NTAQ1: variants seen among roughly 807,000 people sequenced by gnomAD.
The protein encoded by NTAQ1 is protein N-terminal glutamine amidohydrolase.
In NTAQ1, 21 loss-of-function variants were observed where a neutral mutation model predicts 28.2. That is an observed-to-expected ratio of 0.74 (90% confidence interval 0.53 to 1.07). The LOEUF (loss-of-function observed/expected upper bound fraction) is 1.07, where lower values mean the gene tolerates loss of function less well. Among genes scored for constraint, NTAQ1 ranks in the 50% least tolerant of loss-of-function variants. The pLI is 0.00. For synonymous variants in NTAQ1, 105 were observed against 90.0 expected (o/e 1.17, Z -0.94); for missense variants, 264 against 256.6 (o/e 1.03, Z -0.20).
chr8:123,419,417 G>C (rs11783637), intron 1 of NTAQ1, among the ~76,000 whole-genome samples: 100,245 of 151,912 alleles, frequency 0.66, 33,792 homozygotes, highest in East Asian at 0.93. Context: ...GGTTTTTTAA[G>C]TTGAAATGAA....
At chr8:123,462,747 T>G (rs1280381634) in intron 6 of NTAQ1, among the ~76,000 whole-genome samples, 1 of 152,198 alleles carries the variant, frequency 6.6e-6, no homozygotes, top group Non-Finnish European at 1.5e-5. Flanking sequence ...CATGCATTCA[T>G]GGGCATGGCT....
At chr8:123,436,797 G>A (rs916684703) in intron 4 of NTAQ1, among the ~76,000 whole-genome samples, 196 bp downstream of exon 4, 1 of 152,104 alleles carries the variant, frequency 6.6e-6, no homozygotes, top group Non-Finnish European at 1.5e-5. Flanking sequence ...TCTATCATAT[G>A]AAAGGTTGTC....
chr8:123,460,877 G>A (rs962985326), intron 6 of NTAQ1, among the ~76,000 whole-genome samples: 7 of 152,170 alleles, frequency 4.6e-5, no homozygotes, highest in African/African-American at 7.2e-5. Flanking sequence ...AATAACATGC[G>A]CCAGCATCCA....
chr8:123,449,554 G>A (rs1312828701), downstream of NTAQ1, among the ~76,000 whole-genome samples: 1 of 152,078 alleles, frequency 6.6e-6, no homozygotes, highest in Non-Finnish European at 1.5e-5. Flanking sequence ...TGGTGATTCA[G>A]CAGTGAGTCC....
At chr8:123,423,977 G>C (rs1431757664) in intron 1 of NTAQ1, among the ~76,000 whole-genome samples, 1 of 151,472 alleles carries the variant, frequency 6.6e-6, no homozygotes, top group Non-Finnish European at 1.5e-5. Flanking sequence ...CTGCCTCTCG[G>C]GTTCAAGTGA....
chr8:123,424,683 G>A (rs1813934969), intron 1 of NTAQ1, among the ~76,000 whole-genome samples: 1 of 152,100 alleles, frequency 6.6e-6, no homozygotes, highest in Admixed American at 6.6e-5. Flanking sequence ...TGGATTACAG[G>A]CATGAACCAC....
At chr8:123,472,657 A>T (rs375623703), downstream of NTAQ1, among the ~76,000 whole-genome samples, 3 of 152,308 alleles carry the variant, frequency 2.0e-5, no homozygotes, top group African/African-American at 7.2e-5. Flanking sequence ...TTTAAGGTCC[A>T]CCATAATCCA....
At chr8:123,434,038 G>T (rs7833321) in intron 3 of NTAQ1, among the ~76,000 whole-genome samples, 108,646 of 151,802 alleles carry the variant, frequency 0.72, 39,201 homozygotes, top group East Asian at 0.93. Flanking sequence ...TGGACACCCT[G>T]GAGTTAGATA....
chr8:123,417,891 T>C (rs1813404603), intron 1 of NTAQ1, among the ~76,000 whole-genome samples: 1 of 152,074 alleles, frequency 6.6e-6, no homozygotes, highest in Admixed American at 6.6e-5. Flanking sequence ...AAATCACACA[T>C]CTAGCAAGTG....
At position 123,460,102 on chromosome 8, in the gene NTAQ1, A is replaced by G. The variant is rs374781808; in HGVS notation, c.373-6977A>G. ...GGCATGAGCCACTGCGCCCAGCCCA[A>G]TGTACGTGATTTTTATTTCACAGCA... On this transcript the variant is annotated intron_variant, in intron 6 of 6. Transcript: ENST00000650311. Among the ~76,000 whole-genome samples, 178 of 152,226 alleles carry G rather than the reference A, an allele frequency of 1.2e-3. 2 individuals are homozygous for G. The East Asian group carries it at 0.023, about 20-fold the overall frequency.
intron 6 of NTAQ1, among the ~76,000 whole-genome samples, chr8:123,463,383 C>A (rs1359607133): frequency 6.6e-6 from 1 of 152,124 alleles, no homozygotes; most frequent in Non-Finnish European, 1.5e-5. Context: ...AATATTAGAT[C>A]ACAGTTATTC....
downstream of NTAQ1, among the ~76,000 whole-genome samples, chr8:123,471,933 A>G (rs1446360400): frequency 1.3e-5 from 2 of 152,214 alleles, no homozygotes; most frequent in African/African-American, 4.8e-5. Context: ...ACTTTAAAAT[A>G]TCTTTTTGGG....
intron 6 of NTAQ1, among the ~76,000 whole-genome samples, chr8:123,456,869 C>T (rs925585223): frequency 6.6e-6 from 1 of 152,070 alleles, no homozygotes; most frequent in Non-Finnish European, 1.5e-5. Flanking sequence ...AGGAATTCGT[C>T]ATCTAGGAAT....
downstream of NTAQ1, among the ~76,000 whole-genome samples, chr8:123,471,753 T>C (rs1816044236): frequency 6.6e-6 from 1 of 152,136 alleles, no homozygotes. Flanking sequence ...CCTTCAATGA[T>C]TGGATGAGGG....
At chr8:123,436,211 C>T (rs1329545630) in intron 3 of NTAQ1, among the ~76,000 whole-genome samples, 1 of 149,032 alleles carries the variant, frequency 6.7e-6, no homozygotes, top group Non-Finnish European at 1.5e-5. Flanking sequence ...GGTAAAATTG[C>T]AGTTTCAGAG....
At chr8:123,439,955 A>T (rs1273709847) in intron 5 of NTAQ1, among the ~76,000 whole-genome samples, 2 of 151,880 alleles carry the variant, frequency 1.3e-5, no homozygotes, top group Non-Finnish European at 2.9e-5. Context: ...CTCTGTCTCA[A>T]AAAAAAGAAA....
chr8:123,457,193 A>G (rs1336868996), intron 6 of NTAQ1, among the ~76,000 whole-genome samples: 1 of 152,146 alleles, frequency 6.6e-6, no homozygotes, highest in African/African-American at 2.4e-5. Context: ...CAGCCTACCA[A>G]GTAGCTGGGA....
rs573373151 is a variant in NTAQ1 at position 123,439,276 on chromosome 8, T to C, written c.508+1942T>C. Among the ~76,000 whole-genome samples the C allele has an allele frequency of 6.6e-5, 10 of 152,068 alleles. No homozygotes were observed. In the East Asian group the frequency reaches 1.7e-3, roughly 27 times the overall value. On this transcript the variant is annotated intron_variant, in intron 5 of 5. Transcript: ENST00000287387. ...TCACTGCAACCTCCATCTCCTGAGT[T>C]CAAGCAATTTTCATGCCTCAGCCTC...
At chr8:123,419,081 G>GTTTTTTTTTTTTTTTTTTTTT (rs762479894) in intron 1 of NTAQ1, among the ~76,000 whole-genome samples, 1 of 119,920 alleles carries the variant, frequency 8.3e-6, no homozygotes, top group Non-Finnish European at 1.7e-5. Flanking sequence ...AGCTTTGGGG[G>GTTTTTTTTTTTTTTTTTTTTT]TTTTTTTTTT....
Sources: allele counts gnomAD v4.1 joint callset (sites outside exome capture counted in the v4.1 genomes callset), GRCh38; gene constraint gnomAD v4.1.1; transcripts MANE v1.5; gene names NCBI Gene and HGNC (gene_info 2026-07-23, HGNC 2026-07-21).